ANO10: variants seen among roughly 807,000 people sequenced by gnomAD.
ANO10 encodes anoctamin-10.
Under a neutral mutation model 74.7 loss-of-function variants are expected in ANO10, and 77 were observed. The observed-to-expected ratio is 1.03, with a 90% CI of 0.86 to 1.25. ANO10 has a LOEUF of 1.25. ANO10 is among the 50% of genes most tolerant of loss of function. The pLI, the probability that ANO10 is intolerant of heterozygous loss-of-function variation, is 0.00. For synonymous variants in ANO10, 279 were observed against 284.9 expected (o/e 0.98, Z 0.21); for missense variants, 721 against 778.1 (o/e 0.93, Z 0.87).
At chr3:43,375,779 A>G (rs1030776222) in intron 12 of ANO10, among the ~76,000 whole-genome samples, 28 of 141,582 alleles carry the variant, frequency 2.0e-4, no homozygotes, top group African/African-American at 6.7e-4. Context: ...TGTCCATGGC[A>G]AGCCACAGGA....
chr3:43,681,156 C>T (rs1575591418), intron 1 of ANO10, among the ~76,000 whole-genome samples: 1 of 152,028 alleles, frequency 6.6e-6, no homozygotes, highest in Non-Finnish European at 1.5e-5. Context: ...GACTCAAGAC[C>T]CATCAGTGTA....
chr3:43,648,451 T>C (rs6441789), intron 1 of ANO10, among the ~76,000 whole-genome samples: 24,694 of 152,052 alleles, frequency 0.16, 3,525 homozygotes, highest in African/African-American at 0.37. Context: ...ATAGACAGAG[T>C]AGCCCCAAGG....
chr3:43,682,089 C>A (rs1409556164), intron 1 of ANO10, among the ~76,000 whole-genome samples: 10 of 152,084 alleles, frequency 6.6e-5, no homozygotes. Context: ...CAGAGCCGAA[C>A]TGAAGGAAAT....
intron 1 of ANO10, chr3:43,636,635 A>G (rs554840412): frequency 9.8e-5 from 15 of 152,378 alleles, no homozygotes; most frequent in African/African-American, 3.6e-4. Context: ...AACAGACCAC[A>G]GTAGTAATAA....
chr3:43,615,740 G>A (rs571247294), intron 1 of ANO10, among the ~76,000 whole-genome samples: 31 of 151,594 alleles, frequency 2.0e-4, no homozygotes, highest in Admixed American at 1.0e-3. Flanking sequence ...TGCAACCTCC[G>A]CCTCCTGGGT....
At chr3:43,615,390 C>T (rs1406742592) in intron 1 of ANO10, among the ~76,000 whole-genome samples, 93 of 151,866 alleles carry the variant, frequency 6.1e-4, no homozygotes, top group Non-Finnish European at 7.4e-5. Context: ...TGTCTGTTTA[C>T]GTGAATAAAA....
chr3:43,460,960 G>A (rs2075351351), intron 11 of ANO10, among the ~76,000 whole-genome samples: 1 of 148,050 alleles, frequency 6.8e-6, no homozygotes. Flanking sequence ...TCTAATCTAA[G>A]AATCTTTCAT....
At chr3:43,582,293 T>C (rs1346103586) in intron 4 of ANO10, among the ~76,000 whole-genome samples, 2 of 151,546 alleles carry the variant, frequency 1.3e-5, no homozygotes, top group Admixed American at 6.6e-5. Context: ...CTACTAAAAA[T>C]ACAAAAAAAT....
At chr3:43,538,520 A>G (rs567163136) in intron 11 of ANO10, among the ~76,000 whole-genome samples, 2 of 152,354 alleles carry the variant, frequency 1.3e-5, no homozygotes, top group South Asian at 2.1e-4. Flanking sequence ...TTTTTTAACA[A>G]CAATTACTAT....
intron 12 of ANO10, among the ~76,000 whole-genome samples, chr3:43,414,334 C>A (rs921651640): frequency 6.6e-6 from 1 of 152,252 alleles, no homozygotes; most frequent in East Asian, 1.9e-4. Context: ...AGACAAGATA[C>A]TATACTTGCA....
At chr3:43,639,096 G>A (rs1252693232) in intron 1 of ANO10, 1 of 152,298 alleles carries the variant, frequency 6.6e-6, no homozygotes, top group Non-Finnish European at 1.5e-5. Flanking sequence ...GCAGAGGGAG[G>A]GCTCAGAGAG....
At chr3:43,528,176 T>C (rs2078291955) in intron 11 of ANO10, among the ~76,000 whole-genome samples, 1 of 149,062 alleles carries the variant, frequency 6.7e-6, no homozygotes, top group African/African-American at 2.4e-5. Context: ...CTACTATTGC[T>C]AGTCTAGGAA....
At chr3:43,619,860 A>G (rs2083297976) in intron 1 of ANO10, among the ~76,000 whole-genome samples, 1 of 145,314 alleles carries the variant, frequency 6.9e-6, no homozygotes, top group African/African-American at 2.6e-5. Flanking sequence ...ACAGAGTGAG[A>G]CCTTGTCCAA....
chr3:43,565,561 TAAA>T, intron 8 of ANO10, 89 bp downstream of exon 8: 1 of 1,005,046 alleles, frequency 9.9e-7, no homozygotes, highest in Non-Finnish European at 1.5e-6. Flanking sequence ...ATTTTATTTG[TAAA>T]AATAATTTGA....
chr3:43,471,033 T>C (rs554333429), intron 11 of ANO10, among the ~76,000 whole-genome samples: 1 of 152,340 alleles, frequency 6.6e-6, no homozygotes, highest in South Asian at 2.1e-4. Flanking sequence ...CAAGACTGTT[T>C]AATGTTACAT....
chr3:43,659,486 C>G (rs1360110591), intron 1 of ANO10, among the ~76,000 whole-genome samples: 1 of 152,186 alleles, frequency 6.6e-6, no homozygotes, highest in African/African-American at 2.4e-5. Flanking sequence ...ACCTGGGACA[C>G]AGGAGCTTGG....
chr3:43,428,309 C>T (rs932127254), intron 12 of ANO10, among the ~76,000 whole-genome samples: 1 of 152,066 alleles, frequency 6.6e-6, no homozygotes, highest in African/African-American at 2.4e-5. Context: ...CTCGGTCTCC[C>T]AAAGTGCTGG....
intron 10 of ANO10, among the ~76,000 whole-genome samples, chr3:43,554,685 G>A (rs575666998): frequency 6.6e-6 from 1 of 152,188 alleles, no homozygotes; most frequent in Non-Finnish European, 1.5e-5. Context: ...ATCCAGGGGG[G>A]ATTCCTCATT....
At chr3:43,580,325 C>A (rs1342462389) in intron 5 of ANO10, 28 bp downstream of exon 5, 2 of 1,613,220 alleles carry the variant, frequency 1.2e-6, no homozygotes, top group Non-Finnish European at 1.7e-6. Flanking sequence ...CCTTCCTCTT[C>A]TTTAAGAGAA....
Sources: allele counts gnomAD v4.1 joint callset (sites outside exome capture counted in the v4.1 genomes callset), GRCh38; gene constraint gnomAD v4.1.1; transcripts MANE v1.5; gene names NCBI Gene and HGNC (gene_info 2026-07-23, HGNC 2026-07-21).